The following ASXL1 variants were observed in gnomAD, a reference collection of about 807,000 sequenced individuals.
ASXL1 encodes ASXL transcriptional regulator 1, also known as polycomb group protein ASXL1.
In ASXL1, 65 loss-of-function variants were observed where a neutral mutation model predicts 89.1. That is an observed-to-expected ratio of 0.73 (90% CI 0.60 to 0.90). The LOEUF is 0.90. Ranked by LOEUF, ASXL1 falls within the 40% of genes least tolerant of loss-of-function variation. The pLI is 0.00. For synonymous variants in ASXL1, 739 were observed against 746.9 expected (o/e 0.99, Z 0.17); for missense variants, 1,786 against 1,942.9 (o/e 0.92, Z 1.52).
chr20:32,397,809 C>T (rs1348401050), intron 4 of ASXL1, among the ~76,000 whole-genome samples: 1 of 152,238 alleles, frequency 6.6e-6, no homozygotes, highest in Admixed American at 6.5e-5. Context: ...GACCTGCTGG[C>T]CGCAGGTTGG....
rs1328964941 is a variant in ASXL1 at position 32,436,273 on chromosome 20, T to G, written c.3561T>G (p.Gly1187=). 4 of 1,614,180 alleles carry G rather than the reference T, an allele frequency of 2.5e-6. No homozygotes were observed. The highest frequency in any genetic ancestry group is 1.3e-5 in the African/African-American group (1 of 75,060). ...CAGATAGCTGTGAAACAGGCACTGG[T>G]CTTGCCAGGATTGAGGCCACCCAGG... The part of the protein sequence containing the change: ...LLPDSCETGT[G]LARIEATQAP... The change falls in exon 13 of 13, where the codon GGT becomes GGG. Residue 1187 remains glycine, a synonymous_variant. Coordinates refer to ENST00000375687, the MANE Select transcript of ASXL1 (RefSeq NM_015338.6).
chr20:32,398,870 A>T (rs1373405708), intron 4 of ASXL1, among the ~76,000 whole-genome samples: 1 of 150,880 alleles, frequency 6.6e-6, no homozygotes, highest in African/African-American at 2.4e-5. Flanking sequence ...CGGCCTCCCA[A>T]AGTGCTGGGA....
chr20:32,412,718 G>A (rs1288006742), intron 4 of ASXL1, among the ~76,000 whole-genome samples: 1 of 148,660 alleles, frequency 6.7e-6, no homozygotes, highest in Non-Finnish European at 1.5e-5. Flanking sequence ...CATCCTGGCT[G>A]GCTAATTTTT....
At position 32,434,678 on chromosome 20, in the gene ASXL1, G is replaced by A. The variant is rs765459479; in HGVS notation, c.1966G>A (p.Asp656Asn). The A allele has an allele frequency of 1.9e-5, 31 of 1,603,296 alleles. No individual in the cohort carries two copies. The highest frequency in any genetic ancestry group is 1.8e-4 in the South Asian group (16 of 90,322). The change falls in exon 13 of 13, where the codon GAT (aspartate) becomes AAT (asparagine). Residue 656 changes from aspartate (D) to asparagine (N), a missense_variant. Asp to Asn is a conservative substitution (Grantham distance 23). This residue lies in a region of ASXL1 where 1,418 missense variants were observed against 1,427.8 expected (regional missense o/e 0.99). Transcript: ENST00000375687. ...GPGGGGGGAT[D>N]EGGGRGSSSG... is the part of the protein sequence containing the mutation. ...GGGTGGAGGTGGCGGCGGGGCCACC[G>A]ATGAGGGAGGTGGCAGAGGCAGCAG...
intron 1 of ASXL1, chr20:32,359,967 T>C: frequency 1.6e-6 from 1 of 631,426 alleles, no homozygotes; most frequent in East Asian, 2.7e-5. Flanking sequence ...CACTGTAGTT[T>C]ATATGTAATG....
rs575657960 is a variant in ASXL1, at chr20:32,397,754, A to C, written c.252+28631A>C. Among the ~76,000 whole-genome samples the C allele has an allele frequency of 3.9e-5, 6 of 152,290 alleles. No homozygotes were observed. The South Asian group carries it at 1.2e-3, about 32-fold the overall frequency. On this transcript the variant is annotated intron_variant, in intron 4 of 12. Transcript: ENST00000375687. ...GTATTGGGCAGCATCGAAAGTTTAC[A>C]AAGTTTGCGTTGGGCCGCATTGAAA... is the stretch of plus-strand genomic sequence containing the variant.
intron 4 of ASXL1, among the ~76,000 whole-genome samples, chr20:32,417,389 A>G (rs993948486): frequency 9.2e-5 from 14 of 152,226 alleles, no homozygotes; most frequent in African/African-American, 2.9e-4. Flanking sequence ...AACTCAGACA[A>G]TTTCTTTACG....
chr20:32,362,839 G>C (rs919729580), intron 1 of ASXL1, among the ~76,000 whole-genome samples: 2 of 152,154 alleles, frequency 1.3e-5, no homozygotes, highest in Non-Finnish European at 2.9e-5. Flanking sequence ...TGGTTGAGTG[G>C]ATATAAATCC....
At chr20:32,396,583 CTG>C (rs1450744516) in intron 4 of ASXL1, among the ~76,000 whole-genome samples, 2 of 152,316 alleles carry the variant, frequency 1.3e-5, no homozygotes, top group South Asian at 2.1e-4. Context: ...TCTTCCCTAA[CTG>C]TTGCATTAGC....
intron 4 of ASXL1, among the ~76,000 whole-genome samples, chr20:32,377,129 T>C (rs2048397055): frequency 1.4e-5 from 2 of 142,720 alleles, no homozygotes; most frequent in African/African-American, 5.1e-5. Flanking sequence ...TATATTAATA[T>C]AATATATATT....
chr20:32,369,350 G>A (rs2048259196), intron 4 of ASXL1, among the ~76,000 whole-genome samples: 1 of 151,964 alleles, frequency 6.6e-6, no homozygotes, highest in South Asian at 2.1e-4. Context: ...CCATGTTCAA[G>A]TGATTCTCCC....
chr20:32,424,176 A>G (rs1250397001), intron 4 of ASXL1, among the ~76,000 whole-genome samples: 2 of 152,224 alleles, frequency 1.3e-5, no homozygotes, highest in African/African-American at 4.8e-5. Flanking sequence ...TTGATCACAG[A>G]AAACAATACA....
chr20:32,409,678 G>A (rs187066740), intron 4 of ASXL1, among the ~76,000 whole-genome samples: 254 of 152,160 alleles, frequency 1.7e-3, no homozygotes, highest in Non-Finnish European at 2.4e-3. Context: ...GTTGAAGGCT[G>A]CAGTATGCCA....
intron 4 of ASXL1, among the ~76,000 whole-genome samples, chr20:32,419,334 C>A (rs1313802424): frequency 6.6e-6 from 1 of 152,054 alleles, no homozygotes; most frequent in Non-Finnish European, 1.5e-5. Flanking sequence ...TCCCGAGTAG[C>A]TGAGACTACA....
At chr20:32,364,361 A>G (rs2048171346) in intron 1 of ASXL1, among the ~76,000 whole-genome samples, 1 of 151,996 alleles carries the variant, frequency 6.6e-6, no homozygotes, top group South Asian at 2.1e-4. Context: ...GATTACGGGC[A>G]TGAGCCACCA....
intron 4 of ASXL1, chr20:32,372,136 A>G (rs2048309364): frequency 2.2e-6 from 3 of 1,346,018 alleles, no homozygotes; most frequent in Middle Eastern, 2.0e-4. Context: ...TGTGAACTGA[A>G]TTATATTTCT....
intron 4 of ASXL1, among the ~76,000 whole-genome samples, chr20:32,371,208 C>T (rs191393701): frequency 6.6e-6 from 1 of 152,276 alleles, no homozygotes; most frequent in South Asian, 2.1e-4. Context: ...GGCATTGAGT[C>T]AGTCCTTAAT....
At chr20:32,431,138 G>T in intron 8 of ASXL1, 183 bp from the exon 9 acceptor site, 1 of 782,538 alleles carries the variant, frequency 1.3e-6, no homozygotes, top group Non-Finnish European at 2.2e-6. Context: ...GTTCTCCTGG[G>T]TTTGATGGCA....
intron 4 of ASXL1, among the ~76,000 whole-genome samples, chr20:32,420,020 T>TA (rs1215911771): frequency 6.7e-6 from 1 of 149,268 alleles, no homozygotes; most frequent in African/African-American, 2.4e-5. Flanking sequence ...ATTGGTGATG[T>TA]TAGTATCACT....
Sources: gnomAD v4.1 joint callset for allele counts (sites outside exome capture counted in the v4.1 genomes callset) on GRCh38, gnomAD v4.1.1 for gene constraint, gnomAD v4.1.1 regional missense constraint, MANE v1.5 for transcripts, NCBI Gene and HGNC (gene_info 2026-07-23, HGNC 2026-07-21) for gene names.